SNTG1: variants seen among roughly 807,000 people sequenced by gnomAD.
The protein encoded by SNTG1 is syntrophin gamma 1.
A neutral mutation model predicts 74.7 loss-of-function variants in SNTG1; 39 were observed. The observed-to-expected ratio is 0.52, with a 90% CI of 0.40 to 0.68. SNTG1 has a LOEUF of 0.68. Among genes scored for constraint, SNTG1 ranks in the 30% least tolerant of loss-of-function variants. The pLI, the probability that SNTG1 is intolerant of heterozygous loss-of-function variation, is 0.00. For missense variants in SNTG1, 685 were observed against 609.5 expected (o/e 1.12, Z -1.30); for synonymous variants, 254 against 217.1 (o/e 1.17, Z -1.49).
At chr8:50,713,513 C>T (rs1014424655) in intron 17 of SNTG1, among the ~76,000 whole-genome samples, 2 of 152,046 alleles carry the variant, frequency 1.3e-5, no homozygotes, top group African/African-American at 2.4e-5. Context: ...TTAATGAGAT[C>T]CCATTTGTCA....
intron 1 of SNTG1, among the ~76,000 whole-genome samples, chr8:50,078,448 A>G (rs1465682451): frequency 6.6e-6 from 1 of 152,198 alleles, no homozygotes; most frequent in East Asian, 1.9e-4. Context: ...AATGTTTGGT[A>G]CATTTCAGTA....
At chr8:50,117,706 GGT>G (rs1185119170) in intron 1 of SNTG1, among the ~76,000 whole-genome samples, 1 of 152,014 alleles carries the variant, frequency 6.6e-6, no homozygotes, top group African/African-American at 2.4e-5. Flanking sequence ...TCTCTCTCCT[GGT>G]CACTGAGTTT....
chr8:50,613,236 T>C (rs1020479834), intron 13 of SNTG1, among the ~76,000 whole-genome samples: 23 of 152,152 alleles, frequency 1.5e-4, no homozygotes, highest in African/African-American at 5.6e-4. Context: ...TTTAAGCCTG[T>C]TGTGGTGAGA....
rs78678706 is a variant in SNTG1, at chr8:50,065,428, G to A, written c.-102-107133G>A. ...ATAAATAAATAGAATAAATAAAATC[G>A]CATTTTAATTTCAAATCCAATTTAG... is the stretch of plus-strand genomic sequence containing the variant. On this transcript the variant is annotated intron_variant, in intron 1 of 18. Coordinates refer to ENST00000642720, the MANE Select transcript of SNTG1 (RefSeq NM_018967.5). Among the ~76,000 whole-genome samples the A allele has an allele frequency of 8.3e-3, 1,269 of 152,106 alleles. 26 individuals are homozygous for A. Among genetic ancestry groups the A allele is most frequent in the African/African-American group, 0.029 (1,206 of 41,512 alleles).
At chr8:50,003,024 T>A (rs148963240) in intron 1 of SNTG1, among the ~76,000 whole-genome samples, 3 of 152,270 alleles carry the variant, frequency 2.0e-5, no homozygotes, top group African/African-American at 4.8e-5. Flanking sequence ...ATGATTCCAC[T>A]TATATGAAGT....
At chr8:50,612,506 T>A (rs573271881) in intron 13 of SNTG1, among the ~76,000 whole-genome samples, 1 of 152,216 alleles carries the variant, frequency 6.6e-6, no homozygotes, top group African/African-American at 2.4e-5. Flanking sequence ...AATTCTGTAA[T>A]ATGTTAGACT....
At chr8:50,545,023 G>A (rs543845516) in intron 11 of SNTG1, among the ~76,000 whole-genome samples, 1 of 151,976 alleles carries the variant, frequency 6.6e-6, no homozygotes, top group African/African-American at 2.4e-5. Context: ...GGACAGTTAG[G>A]TTGATTTCAT....
intron 1 of SNTG1, among the ~76,000 whole-genome samples, chr8:50,154,826 C>T (rs559339164): frequency 4.6e-5 from 7 of 151,984 alleles, no homozygotes; most frequent in Non-Finnish European, 1.0e-4. Flanking sequence ...TGAAATGTGG[C>T]GTGTTGGATG....
chr8:50,112,515 CTTTTTTTTT>C (rs34942560), intron 1 of SNTG1, among the ~76,000 whole-genome samples: 1,069 of 77,652 alleles, frequency 0.014, 29 homozygotes, highest in Middle Eastern at 0.061. Context: ...TTAGTTCTTT[CTTTTTTTTT>C]TTTTTTTTTT....
chr8:50,401,551 T>C (rs1224339981), intron 3 of SNTG1, among the ~76,000 whole-genome samples: 1 of 152,154 alleles, frequency 6.6e-6, no homozygotes, highest in African/African-American at 2.4e-5. Context: ...GGTAGTTTAT[T>C]TCACCTTGTT....
At chr8:50,032,294 T>C (rs1316104570) in intron 1 of SNTG1, among the ~76,000 whole-genome samples, 1 of 152,110 alleles carries the variant, frequency 6.6e-6, no homozygotes, top group Non-Finnish European at 1.5e-5. Flanking sequence ...TTCATTATTT[T>C]ATGCTTATTA....
chr8:50,302,510 C>T (rs1339357550), intron 2 of SNTG1, among the ~76,000 whole-genome samples: 1 of 152,088 alleles, frequency 6.6e-6, no homozygotes, highest in Non-Finnish European at 1.5e-5. Context: ...GTTAAACTAC[C>T]AAGCAAAACA....
chr8:49,923,214 T>G (rs1806712675), intron 1 of SNTG1, among the ~76,000 whole-genome samples: 1 of 152,148 alleles, frequency 6.6e-6, no homozygotes, highest in African/African-American at 2.4e-5. Context: ...TGGATAAAAT[T>G]GTTTGGAGAA....
In SNTG1 at chr8:50,699,728, A is replaced by C. The variant is rs1057496922; in HGVS notation, c.1039-4872A>C. The stretch of plus-strand genomic sequence containing the variant: ...AAGTATTCTGGAGGCTATTCTTTCT[A>C]CTGGGGCATAAGTCAAACTATGACA... On this transcript the variant is annotated intron_variant, in intron 15 of 18. Transcript: ENST00000642720. Among the ~76,000 whole-genome samples the C allele has an allele frequency of 2.0e-5, 3 of 152,156 alleles. No homozygotes were observed. In the East Asian group the frequency reaches 5.8e-4, roughly 29 times the overall value.
intron 8 of SNTG1, among the ~76,000 whole-genome samples, chr8:50,461,424 C>T (rs887382882): frequency 1.3e-5 from 2 of 152,028 alleles, no homozygotes; most frequent in Admixed American, 6.6e-5. Context: ...TACCCAATGC[C>T]AATTATGCAG....
intron 2 of SNTG1, among the ~76,000 whole-genome samples, chr8:50,382,781 A>G (rs1387602898): frequency 6.6e-6 from 1 of 152,210 alleles, no homozygotes; most frequent in African/African-American, 2.4e-5. Flanking sequence ...TAGAATATCT[A>G]TGTATGTGTA....
intron 1 of SNTG1, among the ~76,000 whole-genome samples, chr8:50,113,337 T>C (rs866852645): frequency 1.3e-5 from 2 of 152,210 alleles, no homozygotes; most frequent in African/African-American, 4.8e-5. Flanking sequence ...GTTGGATTCC[T>C]AGGTATTTTA....
At chr8:50,517,072 G>A (rs2094139415) in intron 9 of SNTG1, among the ~76,000 whole-genome samples, 1 of 152,190 alleles carries the variant, frequency 6.6e-6, no homozygotes, top group South Asian at 2.1e-4. Context: ...ACAAAGGGAA[G>A]CCCATCAGAC....
At chr8:50,725,391 TA>T (rs1024568993) in intron 17 of SNTG1, among the ~76,000 whole-genome samples, 1 of 152,186 alleles carries the variant, frequency 6.6e-6, no homozygotes, top group African/African-American at 2.4e-5. Context: ...TTTTTTAACT[TA>T]ACTAAAGTTG....
Sources: allele counts gnomAD v4.1 joint callset (sites outside exome capture counted in the v4.1 genomes callset), GRCh38; gene constraint gnomAD v4.1.1; transcripts MANE v1.5; gene names NCBI Gene and HGNC (gene_info 2026-07-23, HGNC 2026-07-21).